FAM162A: variants seen among roughly 807,000 people sequenced by gnomAD.
FAM162A encodes family with sequence similarity 162 member A, also known as protein FAM162A.
FAM162A carries 23 observed loss-of-function variants against 21.8 expected under a neutral mutation model. That is an observed-to-expected ratio of 1.05 (90% CI 0.76 to 1.49). FAM162A has a LOEUF of 1.49. Ranked by LOEUF, FAM162A falls within the 40% of genes most tolerant of loss-of-function variation. The pLI is 0.00. For synonymous variants in FAM162A, 53 were observed against 61.3 expected (o/e 0.86, Z 0.64); for missense variants, 165 against 186.4 (o/e 0.89, Z 0.67).
In FAM162A at chr3:122,397,982, G is replaced by A. The variant is rs531124709; in HGVS notation, c.35-4778G>A. 2.0e-5 allele frequency among the ~76,000 whole-genome samples: 3 copies of A among 152,286 alleles called. No individual in the cohort carries two copies. The South Asian group carries it at 6.2e-4, about 32-fold the overall frequency. On this transcript the variant is annotated intron_variant, in intron 1 of 4. Coordinates refer to ENST00000477892, the MANE Select transcript of FAM162A (RefSeq NM_014367.4). ...TCTGGAATATCTTGTCAGAAAGAAA[G>A]CTATCAATGACCACTGATGATGTGT...
intron 1 of FAM162A, among the ~76,000 whole-genome samples, chr3:122,385,620 C>T (rs1002355384): frequency 2.6e-5 from 4 of 152,182 alleles, no homozygotes; most frequent in African/African-American, 9.7e-5. Context: ...TATATTTATG[C>T]ATCTTGCATA....
At chr3:122,389,433 A>G (rs887475277) in intron 1 of FAM162A, among the ~76,000 whole-genome samples, 5 of 146,474 alleles carry the variant, frequency 3.4e-5, no homozygotes, top group East Asian at 4.0e-4. Flanking sequence ...ATAGATAGAT[A>G]GATGAGATAG....
At chr3:122,406,515 C>T (rs2075676982) in intron 3 of FAM162A, among the ~76,000 whole-genome samples, 2 of 152,180 alleles carry the variant, frequency 1.3e-5, no homozygotes, top group South Asian at 2.1e-4. Context: ...AATGATGAAC[C>T]AACCATCAAC....
At chr3:122,409,627 C>CA in intron 4 of FAM162A, 112 bp from the exon 5 acceptor site, 1 of 856,262 alleles carries the variant, frequency 1.2e-6, no homozygotes, top group Non-Finnish European at 1.9e-6. Context: ...GTGCAAGCAG[C>CA]AGAGGACTCC....
At chr3:122,401,649 AAT>A in intron 1 of FAM162A, 1 of 667,622 alleles carries the variant, frequency 1.5e-6, no homozygotes, top group Non-Finnish European at 2.0e-6. Flanking sequence ...AAAAAAAAAA[AAT>A]AGCCATTCTG....
chr3:122,411,828 T>TA lies in FAM162A; in HGVS notation c.*1998dup, dbSNP rs1257647394. The TA allele has an allele frequency of 6.6e-6, 1 of 152,224 alleles. No homozygotes were observed. The highest frequency in any genetic ancestry group is 1.5e-5 in the Non-Finnish European group (1 of 68,048). 9.4% of individuals were successfully genotyped at this position (152,224 alleles called of 1,614,324 possible). A position where few individuals can be genotyped will look rare whatever the true frequency, so the allele number is the denominator to read the frequency against. On this transcript the variant is annotated 3_prime_UTR_variant, in exon 5 of 5. Transcript: ENST00000477892. ...CCTCGGCCTCCCAAAGTGCTGGGAT[T>TA]ACAGGCATGAGCCATGGTGCCTGGC...
intron 1 of FAM162A, among the ~76,000 whole-genome samples, chr3:122,400,912 C>T (rs531205509): frequency 2.6e-5 from 4 of 151,864 alleles, no homozygotes; most frequent in South Asian, 4.2e-4. Context: ...TGAATATTCT[C>T]GTGATGTGCA....
At chr3:122,389,221 AAT>A (rs1385595751) in intron 1 of FAM162A, among the ~76,000 whole-genome samples, 12 of 152,188 alleles carry the variant, frequency 7.9e-5, no homozygotes, top group African/African-American at 2.9e-4. Context: ...AAAAAGAGGA[AAT>A]AAGAATTTTA....
chr3:122,403,290 T>C (rs2075661168), intron 2 of FAM162A, among the ~76,000 whole-genome samples: 1 of 152,246 alleles, frequency 6.6e-6, no homozygotes, highest in Non-Finnish European at 1.5e-5. Context: ...GTATTAATAT[T>C]GGTCATGGGC....
intron 1 of FAM162A, 75 bp downstream of exon 1, chr3:122,384,374 C>G: frequency 6.6e-7 from 1 of 1,514,230 alleles, no homozygotes; most frequent in Non-Finnish European, 9.0e-7. Context: ...CTGAAGCCTT[C>G]CTGGGCCCCG....
At chr3:122,407,410 T>C in intron 4 of FAM162A, 21 bp downstream of exon 4, 1 of 1,547,964 alleles carries the variant, frequency 6.5e-7, no homozygotes, top group Admixed American at 1.7e-5. Flanking sequence ...GTTTCTTCTC[T>C]ATCCAGTATG....
intron 1 of FAM162A, among the ~76,000 whole-genome samples, chr3:122,387,943 G>A (rs1057454068): frequency 2.6e-5 from 4 of 152,170 alleles, no homozygotes; most frequent in South Asian, 2.1e-4. Flanking sequence ...TCTGAAAAAG[G>A]ATATGAGAGA....
At chr3:122,385,556 TC>T (rs1392452126) in intron 1 of FAM162A, among the ~76,000 whole-genome samples, 1 of 152,226 alleles carries the variant, frequency 6.6e-6, no homozygotes, top group Non-Finnish European at 1.5e-5. Flanking sequence ...TACTTTGACA[TC>T]TTTGAACTAA....
intron 3 of FAM162A, among the ~76,000 whole-genome samples, chr3:122,404,602 A>G (rs2075668834): frequency 6.6e-6 from 1 of 152,228 alleles, no homozygotes; most frequent in African/African-American, 2.4e-5. Flanking sequence ...CTCTGAAGTC[A>G]ATTGATTATT....
At chr3:122,391,950 A>G (rs1195388823) in intron 1 of FAM162A, among the ~76,000 whole-genome samples, 1 of 152,192 alleles carries the variant, frequency 6.6e-6, no homozygotes, top group East Asian at 1.9e-4. Context: ...TAACATATGT[A>G]TAACTTTCTC....
intron 1 of FAM162A, among the ~76,000 whole-genome samples, chr3:122,399,285 C>T (rs552428959): frequency 4.4e-4 from 67 of 152,050 alleles, no homozygotes; most frequent in African/African-American, 1.5e-3. Flanking sequence ...TTTTTATGGC[C>T]GTGTAGTATT....
chr3:122,395,641 C>T (rs2075623581), intron 1 of FAM162A, among the ~76,000 whole-genome samples: 1 of 152,078 alleles, frequency 6.6e-6, no homozygotes, highest in Admixed American at 6.5e-5. Flanking sequence ...AACACAATCC[C>T]CAACAAAATC....
intron 1 of FAM162A, chr3:122,401,662 G>T (rs1462630208): frequency 3.7e-6 from 2 of 535,854 alleles, no homozygotes; most frequent in East Asian, 2.2e-4. Flanking sequence ...AGCCATTCTG[G>T]CTGGTTGTGA....
chr3:122,400,237 T>G (rs990878598), intron 1 of FAM162A, among the ~76,000 whole-genome samples: 1 of 152,176 alleles, frequency 6.6e-6, no homozygotes, highest in African/African-American at 2.4e-5. Context: ...TGGATGAAGC[T>G]GGAAACCATC....
Sources: allele counts gnomAD v4.1 joint callset (sites outside exome capture counted in the v4.1 genomes callset), GRCh38; gene constraint gnomAD v4.1.1; transcripts MANE v1.5; gene names NCBI Gene and HGNC (gene_info 2026-07-23, HGNC 2026-07-21).